CDC42BPB: variants seen among roughly 807,000 people sequenced by gnomAD.
CDC42BPB encodes CDC42 binding protein kinase beta.
A neutral mutation model predicts 214.9 loss-of-function variants in CDC42BPB; 37 were observed. The ratio of observed to expected loss-of-function variants is 0.17; its 90% CI spans 0.13 to 0.23. The LOEUF (loss-of-function observed/expected upper bound fraction) is 0.23. Among genes scored for constraint, CDC42BPB ranks in the 10% least tolerant of loss-of-function variants. The probability of loss-of-function intolerance (pLI) is 1.00; values close to 1 mark genes in which losing one functional copy is unlikely to be tolerated. For missense variants in CDC42BPB, 1,694 were observed against 2,227.0 expected, an observed-to-expected ratio of 0.76 and a Z score of 4.82; for synonymous variants, 931 against 884.0, an observed-to-expected ratio of 1.05 and a Z score of -0.94.
chr14:103,042,619 C>T (rs1034598189), intron 1 of CDC42BPB, among the ~76,000 whole-genome samples: 12 of 152,098 alleles, frequency 7.9e-5, no homozygotes, highest in African/African-American at 2.9e-4. Flanking sequence ...CAAGACAACC[C>T]GATTTTTTAA....
At chr14:103,014,932 C>T (rs910626631) in intron 1 of CDC42BPB, among the ~76,000 whole-genome samples, 1 of 152,204 alleles carries the variant, frequency 6.6e-6, no homozygotes, top group African/African-American at 2.4e-5. Context: ...CAAGGCTGTG[C>T]CCGGAACGTC....
chr14:102,968,192 A>C (rs1468192919), intron 16 of CDC42BPB, 61 bp downstream of exon 16: 23 of 1,231,282 alleles, frequency 1.9e-5, no homozygotes, highest in Admixed American at 5.4e-5. Context: ...ATTAAAAATA[A>C]TTTTTTTTTA....
Position 102,976,056 on chromosome 14 carries a change from A to C in CDC42BPB, c.1221-7T>G, listed in dbSNP as rs1253938516. Reference sequence around the variant, plus strand: ...GCCTCGATCAGAAAAACAGCTGGGAAACCAAGCAACAGGTTTTTTTGATCT... The same window carrying C: ...GCCTCGATCAGAAAAACAGCTGGGACACCAAGCAACAGGTTTTTTTGATCT... On this transcript the variant is annotated splice_polypyrimidine_tract_variant and splice_region_variant and intron_variant, in intron 9 of 36. Coordinates refer to ENST00000361246, the MANE Select transcript of CDC42BPB (RefSeq NM_006035.4). The C allele has an allele frequency of 1.9e-6, 3 of 1,605,688 alleles. No individual in the cohort carries two copies. The African/African-American group carries it at 4.0e-5, about 21-fold the overall frequency.
chr14:102,947,319 G>GGAGCACTCACT (rs1892227628), intron 27 of CDC42BPB, among the ~76,000 whole-genome samples: 2 of 152,192 alleles, frequency 1.3e-5, no homozygotes, highest in African/African-American at 4.8e-5. Flanking sequence ...ACTCAGTGAG[G>GGAGCACTCACT]GAGCACTCAC....
chr14:103,013,034 C>T (rs763006390), intron 1 of CDC42BPB, among the ~76,000 whole-genome samples: 10 of 152,192 alleles, frequency 6.6e-5, no homozygotes, highest in Non-Finnish European at 1.3e-4. Flanking sequence ...GTATCCCCAT[C>T]GTTATGCAAC....
At chr14:102,971,881 T>A (rs760805810) in intron 13 of CDC42BPB, 38 bp downstream of exon 13, 2 of 1,588,178 alleles carry the variant, frequency 1.3e-6, no homozygotes, top group East Asian at 4.5e-5. Context: ...CACACAAATG[T>A]CCAGTCGATA....
intron 8 of CDC42BPB, among the ~76,000 whole-genome samples, chr14:102,979,552 A>G (rs1475967912): frequency 6.6e-6 from 1 of 152,152 alleles, no homozygotes; most frequent in Non-Finnish European, 1.5e-5. Context: ...GGTACTTCAT[A>G]GTTTCTAAGA....
intron 1 of CDC42BPB, among the ~76,000 whole-genome samples, chr14:103,028,924 T>C (rs1392237890): frequency 4.6e-5 from 7 of 152,248 alleles, no homozygotes; most frequent in African/African-American, 1.7e-4. Flanking sequence ...AGAGTTGATC[T>C]GAGTTGCTGA....
intron 16 of CDC42BPB, chr14:102,967,381 G>C (rs888834366): frequency 2.4e-5 from 24 of 985,090 alleles, no homozygotes; most frequent in Non-Finnish European, 2.8e-5. Context: ...GATGGAGCTG[G>C]AGCTAGTGAC....
chr14:102,975,414 T>C (rs1893692259), intron 11 of CDC42BPB, among the ~76,000 whole-genome samples: 1 of 152,082 alleles, frequency 6.6e-6, no homozygotes, highest in Non-Finnish European at 1.5e-5. Flanking sequence ...TCCCAGCTAC[T>C]TGGGAGGCTG....
chr14:102,946,501 G>A lies in CDC42BPB; in HGVS notation c.3715C>T (p.Leu1239Phe), dbSNP rs765283166. The A allele has an allele frequency of 6.2e-7, 1 of 1,612,808 alleles. No homozygotes were observed. Among genetic ancestry groups the A allele is most frequent in the Non-Finnish European group, 8.5e-7 (1 of 1,179,956 alleles). Residue 1239 changes from leucine (L) to phenylalanine (F), a missense_variant, in exon 28 of 37, where the codon CTC becomes TTC. Coordinates refer to ENST00000361246, the MANE Select transcript of CDC42BPB (RefSeq NM_006035.4). ...GCAGCTGTCAGGATGGCCTTGATGA[G>A]AGGCAGCGAGCTGTCGTAGGCTTCC... ...PLEAYDSSLP[L>F]IKAILTAAIV...
intron 1 of CDC42BPB, among the ~76,000 whole-genome samples, chr14:103,056,064 A>G (rs1333163281): frequency 1.3e-5 from 2 of 152,200 alleles, no homozygotes; most frequent in Non-Finnish European, 2.9e-5. Flanking sequence ...CTGCACTTTT[A>G]CCTGTCTTTA....
rs539178203 is a variant in CDC42BPB at position 103,046,926 on chromosome 14, C to T, written c.175+10073G>A. ...TCGGCCTCCCAAAGTGCTGGGATTA[C>T]AGGCAGGAGCCGCCGCGCCCAGCCT... On this transcript the variant is annotated intron_variant, in intron 1 of 36. Transcript: ENST00000361246. 9.9e-5 allele frequency among the ~76,000 whole-genome samples: 15 copies of T among 151,740 alleles called. No homozygotes were observed. The South Asian group carries it at 2.7e-3, about 28-fold the overall frequency.
rs34777056 is a variant in CDC42BPB, at chr14:102,981,045, G to A, written c.892-24C>T. ...TCCTGCAAGGGGTGGCAAAAACACC[G>A]GTGGACAGGTGGACGCATTCAGAGA... On this transcript the variant is annotated intron_variant, in intron 7 of 36. Coordinates refer to ENST00000361246, the MANE Select transcript of CDC42BPB (RefSeq NM_006035.4). The A allele has an allele frequency of 1.5e-3, 2,469 of 1,613,558 alleles. 24 individuals are homozygous for A. In the African/African-American group the frequency reaches 0.022, roughly 14 times the overall value.
At chr14:102,961,977 C>T (rs575867744) in intron 20 of CDC42BPB, among the ~76,000 whole-genome samples, 1 of 152,312 alleles carries the variant, frequency 6.6e-6, no homozygotes, top group East Asian at 1.9e-4. Flanking sequence ...ATCCGCAAGA[C>T]TAACAACCTG....
intron 23 of CDC42BPB, chr14:102,952,872 G>A: frequency 1.0e-5 from 3 of 299,126 alleles, no homozygotes; most frequent in Non-Finnish European, 1.5e-5. Context: ...TGGGCCAGAG[G>A]GCCGAGGTGG....
chr14:102,933,649 A>C lies in CDC42BPB; in HGVS notation c.*63T>G. 7.7e-7 allele frequency: 1 copy of C among 1,304,942 alleles called. No homozygotes were observed. Among genetic ancestry groups the C allele is most frequent in the Non-Finnish European group, 9.9e-7 (1 of 1,009,996 alleles). The allele number at this position is 1,304,942 out of a possible 1,614,324, so 80.8% of individuals were successfully genotyped here. A position where few individuals can be genotyped will look rare whatever the true frequency, so the allele number is the denominator to read the frequency against. On this transcript the variant is annotated 3_prime_UTR_variant, in exon 37 of 37. Transcript: ENST00000361246. Reference sequence around the variant, plus strand: ...TTGGACAACACTGGAGGGCCCGCTCAGTCTTGGCACTGACGCTGGAGGCCA... The same window carrying C: ...TTGGACAACACTGGAGGGCCCGCTCCGTCTTGGCACTGACGCTGGAGGCCA...
intron 1 of CDC42BPB, among the ~76,000 whole-genome samples, chr14:103,055,673 A>C (rs1288920956): frequency 6.6e-6 from 1 of 152,256 alleles, no homozygotes; most frequent in African/African-American, 2.4e-5. Flanking sequence ...CTCACAAGAT[A>C]CCGTGTAACA....
Position 102,944,475 on chromosome 14 carries a change from G to A in CDC42BPB, c.3824C>T (p.Ala1275Val). 1 of 1,610,722 alleles carries A rather than the reference G, an allele frequency of 6.2e-7. No individual in the cohort carries two copies. Among genetic ancestry groups the A allele is most frequent in the Non-Finnish European group, 8.5e-7 (1 of 1,178,340 alleles). The change falls in exon 30 of 37, where the codon GCC becomes GTC. Residue 1275 changes from alanine to valine, a missense_variant. Physicochemically the swap from Ala to Val is moderately conservative, Grantham distance 64. Coordinates refer to ENST00000361246, the MANE Select transcript of CDC42BPB (RefSeq NM_006035.4). This position sits in a 1 kb window ranked among gnomAD's most constrained non-coding sequence, Gnocchi z 6.6. ...CTGGTGTACCTTCTTACAGTCAGCG[G>A]CACGGACGATCACTGTGGCAAGGAG... ...IEVTRDVIVR[A>V]ADCKKVHQIE...
Sources: allele counts gnomAD v4.1 joint callset (sites outside exome capture counted in the v4.1 genomes callset), GRCh38; gene constraint gnomAD v4.1.1; non-coding constraint Gnocchi (gnomAD v3.1); transcripts MANE v1.5; gene names NCBI Gene and HGNC (gene_info 2026-07-23, HGNC 2026-07-21).